Variants in VPS50 observed in about 807,000 individuals in gnomAD.
VPS50 encodes VPS50 subunit of EARP/GARPII complex, also known as syndetin.
Under a neutral mutation model 139.7 loss-of-function variants are expected in VPS50, and 70 were observed. The observed-to-expected ratio is 0.50, with a 90% CI of 0.41 to 0.61. The LOEUF is 0.61. VPS50 is among the 20% of genes least tolerant of loss of function. The pLI, the probability that VPS50 is intolerant of heterozygous loss-of-function variation, is 0.00. For missense variants in VPS50, 921 were observed against 1,133.7 expected (o/e 0.81, Z 2.69); for synonymous variants, 365 against 376.7 (o/e 0.97, Z 0.36).
intron 1 of VPS50, among the ~76,000 whole-genome samples, chr7:93,234,962 G>T (rs1794755615): frequency 6.6e-6 from 1 of 151,964 alleles, no homozygotes; most frequent in Non-Finnish European, 1.5e-5. Context: ...ATAGACAAGT[G>T]TTAAGGCAGA....
chr7:93,334,872 G>T (rs192213346), intron 22 of VPS50, among the ~76,000 whole-genome samples: 1 of 152,116 alleles, frequency 6.6e-6, no homozygotes, highest in Non-Finnish European at 1.5e-5. Flanking sequence ...CACTGTAGCC[G>T]GAAATTTATG....
intron 23 of VPS50, among the ~76,000 whole-genome samples, chr7:93,347,242 C>A (rs574392517): frequency 0.029 from 4,165 of 142,452 alleles, 136 homozygotes; most frequent in African/African-American, 0.058. Context: ...CCATCACTGG[C>A]CATCAGAGAA....
At chr7:93,309,333 A>G (rs1232757387) in intron 19 of VPS50, among the ~76,000 whole-genome samples, 7 of 151,942 alleles carry the variant, frequency 4.6e-5, no homozygotes, top group African/African-American at 1.7e-4. Context: ...TTTGTTTGAC[A>G]TTGCTTTTTG....
At chr7:93,254,547 G>A (rs1165260118) in intron 4 of VPS50, among the ~76,000 whole-genome samples, 2 of 152,088 alleles carry the variant, frequency 1.3e-5, no homozygotes, top group Admixed American at 6.6e-5. Flanking sequence ...AATTAGAGCC[G>A]CAAGCCACTT....
Position 93,252,848 on chromosome 7 carries a change from T to C in VPS50, c.225+73T>C, listed in dbSNP as rs1012595696. On this transcript the variant is annotated intron_variant, in intron 3 of 27. Coordinates refer to ENST00000305866, the MANE Select transcript of VPS50 (RefSeq NM_017667.4). ...GATTGGATTTATGAGATTTGAATAC[T>C]TTTTTGAGGCATTTATGTATTTTTG... 9 of 1,197,042 alleles carry C rather than the reference T, an allele frequency of 7.5e-6. No individual in the cohort carries two copies. In the African/African-American group the frequency reaches 9.4e-5, roughly 12 times the overall value. The allele number at this position is 1,197,042 out of a possible 1,614,324, so 74.2% of individuals were successfully genotyped here.
chr7:93,303,378 G>A lies in VPS50; in HGVS notation c.1362-82G>A, dbSNP rs191318802. The A allele has an allele frequency of 9.9e-4, 568 of 575,564 alleles. 2 individuals are homozygous for A. The highest frequency in any genetic ancestry group is 8.9e-3 in the African/African-American group (468 of 52,816). The allele number at this position is 575,564 out of a possible 1,614,324, so 35.7% of individuals were successfully genotyped here. A position where few individuals can be genotyped will look rare whatever the true frequency, so the allele number is the denominator to read the frequency against. Reference sequence around the variant, plus strand: ...CATGACAATAATCCTATAATTATTTGTATTGTACATTATTTCCTCAATTCT... The same window carrying A: ...CATGACAATAATCCTATAATTATTTATATTGTACATTATTTCCTCAATTCT... On this transcript the variant is annotated intron_variant, in intron 16 of 27. Transcript: ENST00000305866.
intron 10 of VPS50, among the ~76,000 whole-genome samples, chr7:93,272,404 G>T (rs367675628): frequency 1.3e-5 from 2 of 151,880 alleles, no homozygotes; most frequent in East Asian, 3.9e-4. Flanking sequence ...GGGTTTTAAG[G>T]CATAGAAATT....
At chr7:93,240,082 T>G in intron 2 of VPS50, 148 bp downstream of exon 2, 1 of 536,466 alleles carries the variant, frequency 1.9e-6, no homozygotes, top group Admixed American at 3.3e-5. Context: ...GTATAGTAGG[T>G]GTAGGGCTTG....
intron 23 of VPS50, among the ~76,000 whole-genome samples, chr7:93,346,994 G>C (rs1798415254): frequency 7.1e-6 from 1 of 141,280 alleles, no homozygotes; most frequent in South Asian, 2.3e-4. Flanking sequence ...TTAAACTAAA[G>C]AGCTTCTGCA....
intron 25 of VPS50, among the ~76,000 whole-genome samples, chr7:93,352,742 G>C (rs1484660985): frequency 6.6e-6 from 1 of 152,046 alleles, no homozygotes; most frequent in Non-Finnish European, 1.5e-5. Context: ...CTAATTATTG[G>C]AGTTGTCTAA....
chr7:93,272,025 C>A (rs1796024847), intron 10 of VPS50, among the ~76,000 whole-genome samples: 1 of 151,684 alleles, frequency 6.6e-6, no homozygotes, highest in South Asian at 2.1e-4. Flanking sequence ...CTTAAGTTAA[C>A]AATTCCCTGA....
At chr7:93,254,847 T>A (rs1795441175) in intron 4 of VPS50, among the ~76,000 whole-genome samples, 1 of 152,172 alleles carries the variant, frequency 6.6e-6, no homozygotes, top group Non-Finnish European at 1.5e-5. Context: ...GGACCAGTAG[T>A]AATAAGTTTA....
intron 20 of VPS50, among the ~76,000 whole-genome samples, chr7:93,313,638 T>C (rs868155127): frequency 7.9e-5 from 12 of 152,214 alleles, no homozygotes; most frequent in African/African-American, 2.4e-4. Context: ...AATATGTTCC[T>C]GGTGCTGAAT....
Position 93,304,668 on chromosome 7 carries a change from G to A in VPS50, c.1452+1118G>A, listed in dbSNP as rs181187422. 1.5e-4 allele frequency among the ~76,000 whole-genome samples: 23 copies of A among 151,774 alleles called. No homozygotes were observed. In the East Asian group the frequency reaches 2.7e-3, roughly 18 times the overall value. ...TCAGACTGTGTGTGTGTGCTGTCAC[G>A]TTGTCAAACTTAGTATAATTGTAAG... On this transcript the variant is annotated intron_variant, in intron 17 of 27. Transcript: ENST00000305866.
rs569849888 is a variant in VPS50, at chr7:93,351,805, C to A, written c.2463+1772C>A. Among the ~76,000 whole-genome samples the A allele has an allele frequency of 3.9e-5, 6 of 152,062 alleles. No homozygotes were observed. The South Asian group carries it at 8.3e-4, about 21-fold the overall frequency. ...TACTAACCATGATCCTTATAGGGTGCAAGAAAAAAAGATTTCTGTGCTCAA... is the reference window on the plus strand; with the variant it reads ...TACTAACCATGATCCTTATAGGGTGAAAGAAAAAAAGATTTCTGTGCTCAA... On this transcript the variant is annotated intron_variant, in intron 25 of 27. Coordinates refer to ENST00000305866, the MANE Select transcript of VPS50 (RefSeq NM_017667.4).
intron 17 of VPS50, 50 bp downstream of exon 17, chr7:93,303,600 A>G (rs765947959): frequency 2.5e-6 from 2 of 790,692 alleles, no homozygotes; most frequent in Non-Finnish European, 4.0e-6. Context: ...AATGTATTTT[A>G]CCCTTTTTTT....
At chr7:93,248,762 C>T (rs1013193965) in intron 2 of VPS50, among the ~76,000 whole-genome samples, 1 of 152,034 alleles carries the variant, frequency 6.6e-6, no homozygotes, top group African/African-American at 2.4e-5. Context: ...GCCCTAACAG[C>T]GATGAAACAT....
At chr7:93,313,806 T>C (rs1186644248) in intron 20 of VPS50, among the ~76,000 whole-genome samples, 1 of 152,176 alleles carries the variant, frequency 6.6e-6, no homozygotes, top group Non-Finnish European at 1.5e-5. Flanking sequence ...AGCCTTACTC[T>C]GTGAAGAGAA....
chr7:93,262,927 G>A (rs549697095), intron 9 of VPS50, among the ~76,000 whole-genome samples: 4 of 152,298 alleles, frequency 2.6e-5, no homozygotes, highest in East Asian at 1.9e-4. Context: ...GGGATATAAG[G>A]ATAGAGTTAG....
Sources: gnomAD v4.1 joint callset for allele counts (sites outside exome capture counted in the v4.1 genomes callset) on GRCh38, gnomAD v4.1.1 for gene constraint, MANE v1.5 for transcripts, NCBI Gene and HGNC (gene_info 2026-07-23, HGNC 2026-07-21) for gene names.